Variants in DPYD observed in about 807,000 individuals in gnomAD.
The protein encoded by DPYD is dihydropyrimidine dehydrogenase [NADP(+)].
DPYD carries 109 observed loss-of-function variants against 116.2 expected under a neutral mutation model. The ratio of observed to expected loss-of-function variants is 0.94; its 90% confidence interval spans 0.80 to 1.10. The LOEUF is 1.10. Ranked by LOEUF, DPYD falls within the 50% of genes least tolerant of loss-of-function variation. The pLI, the probability that DPYD is intolerant of heterozygous loss-of-function variation, is 0.00. For missense variants in DPYD, 1,302 were observed against 1,254.5 expected (o/e 1.04, Z -0.57); for synonymous variants, 440 against 432.0 (o/e 1.02, Z -0.23).
intron 18 of DPYD, 101 bp from the exon 19 acceptor site, chr1:97,235,095 C>A: frequency 7.4e-7 from 1 of 1,353,400 alleles, no homozygotes; most frequent in Non-Finnish European, 1.0e-6. Flanking sequence ...CGTCACTGGA[C>A]AAATTTCAAA....
intron 19 of DPYD, among the ~76,000 whole-genome samples, chr1:97,224,907 T>A (rs569148068): frequency 6.6e-6 from 1 of 151,998 alleles, no homozygotes; most frequent in Non-Finnish European, 1.5e-5. Flanking sequence ...CATTCATCTA[T>A]TGATAGACAC....
chr1:97,339,024 A>C (rs1669452086), intron 16 of DPYD, among the ~76,000 whole-genome samples: 1 of 152,156 alleles, frequency 6.6e-6, no homozygotes, highest in Non-Finnish European at 1.5e-5. Context: ...AATTACTTGA[A>C]CTAACAATAA....
chr1:97,400,642 A>G (rs1021839510), intron 14 of DPYD, among the ~76,000 whole-genome samples: 1 of 152,186 alleles, frequency 6.6e-6, no homozygotes, highest in Non-Finnish European at 1.5e-5. Flanking sequence ...TTAATGGTCT[A>G]TTCAGAGATT....
At chr1:97,452,300 C>CTTATGCT (rs995382839) in intron 13 of DPYD, among the ~76,000 whole-genome samples, 1 of 152,108 alleles carries the variant, frequency 6.6e-6, no homozygotes, top group Non-Finnish European at 1.5e-5. Flanking sequence ...CTGACTGTAC[C>CTTATGCT]TTCCACTACA....
intron 11 of DPYD, among the ~76,000 whole-genome samples, chr1:97,557,980 CT>C (rs1651867333): frequency 6.6e-6 from 1 of 152,176 alleles, no homozygotes; most frequent in Non-Finnish European, 1.5e-5. Context: ...CAAAGTCCTG[CT>C]GCTTCTGACT....
intron 21 of DPYD, among the ~76,000 whole-genome samples, chr1:97,090,093 T>A (rs1464831064): frequency 6.6e-6 from 1 of 152,188 alleles, no homozygotes; most frequent in African/African-American, 2.4e-5. Flanking sequence ...AATTCCAATT[T>A]AACAAAAGAA....
At chr1:97,258,624 A>C (rs2100840305) in intron 18 of DPYD, among the ~76,000 whole-genome samples, 1 of 152,206 alleles carries the variant, frequency 6.6e-6, no homozygotes, top group African/African-American at 2.4e-5. Flanking sequence ...TTTTGTAAGA[A>C]CTCAAACTAA....
chr1:97,892,442 T>C (rs1672826578), intron 1 of DPYD, among the ~76,000 whole-genome samples: 1 of 151,766 alleles, frequency 6.6e-6, no homozygotes, highest in South Asian at 2.1e-4. Context: ...CAAAGGTATC[T>C]TTGGTTCTTG....
At chr1:97,331,393 G>A (rs1009069209) in intron 16 of DPYD, among the ~76,000 whole-genome samples, 2 of 152,128 alleles carry the variant, frequency 1.3e-5, no homozygotes, top group Non-Finnish European at 2.9e-5. Flanking sequence ...CAGGAGGCTC[G>A]CTTGAGCCCA....
At chr1:97,747,081 A>G (rs895877001) in intron 3 of DPYD, among the ~76,000 whole-genome samples, 23 of 152,048 alleles carry the variant, frequency 1.5e-4, no homozygotes, top group Admixed American at 1.5e-3. Context: ...TTTATGGAGC[A>G]TAAGATCATG....
chr1:97,768,989 G>A (rs1324496860), intron 3 of DPYD, among the ~76,000 whole-genome samples: 2 of 151,478 alleles, frequency 1.3e-5, no homozygotes, highest in Non-Finnish European at 2.9e-5. Flanking sequence ...TAAAAAACTC[G>A]AGTATTAAAT....
At chr1:97,160,951 G>C (rs1232856512) in intron 20 of DPYD, among the ~76,000 whole-genome samples, 1 of 152,142 alleles carries the variant, frequency 6.6e-6, no homozygotes, top group East Asian at 1.9e-4. Context: ...GCCCTGAAAA[G>C]TGAATTAGCA....
chr1:97,352,198 G>T (rs898079506), intron 16 of DPYD, among the ~76,000 whole-genome samples: 1 of 152,288 alleles, frequency 6.6e-6, no homozygotes, highest in East Asian at 1.9e-4. Flanking sequence ...GAGGAGGTCA[G>T]ACAACAAGTG....
intron 18 of DPYD, among the ~76,000 whole-genome samples, chr1:97,241,915 A>G (rs1024981832): frequency 6.6e-6 from 1 of 151,420 alleles, no homozygotes; most frequent in African/African-American, 2.4e-5. Context: ...GCTATAACAC[A>G]TATAAGGATA....
chr1:97,696,453 G>T (rs539335937), intron 6 of DPYD, among the ~76,000 whole-genome samples: 1 of 152,256 alleles, frequency 6.6e-6, no homozygotes, highest in South Asian at 2.1e-4. Flanking sequence ...TTGAAACCAT[G>T]AGAGTAAATG....
intron 3 of DPYD, among the ~76,000 whole-genome samples, chr1:97,796,666 G>A (rs1203404141): frequency 6.6e-6 from 1 of 152,084 alleles, no homozygotes; most frequent in African/African-American, 2.4e-5. Flanking sequence ...CAAAGAAGGA[G>A]GGTGAGACAG....
chr1:97,812,977 C>T (rs1006545621), intron 3 of DPYD, among the ~76,000 whole-genome samples: 7 of 151,922 alleles, frequency 4.6e-5, no homozygotes, highest in African/African-American at 7.3e-5. Flanking sequence ...ATTATAATCC[C>T]GAGTAAATAT....
chr1:97,206,553 T>A (rs1386297769), intron 19 of DPYD, among the ~76,000 whole-genome samples: 1 of 148,900 alleles, frequency 6.7e-6, no homozygotes, highest in African/African-American at 2.4e-5. Flanking sequence ...CACAGGATCC[T>A]TTCTTGTAAC....
At chr1:97,236,112 A>G (rs1661911136) in intron 18 of DPYD, among the ~76,000 whole-genome samples, 1 of 152,220 alleles carries the variant, frequency 6.6e-6, no homozygotes, top group African/African-American at 2.4e-5. Context: ...ATAATAAAGG[A>G]ATATAATTTG....
Sources: allele counts gnomAD v4.1 joint callset (sites outside exome capture counted in the v4.1 genomes callset), GRCh38; gene constraint gnomAD v4.1.1; transcripts MANE v1.5; gene names NCBI Gene and HGNC (gene_info 2026-07-23, HGNC 2026-07-21).